The following FRMD3 variants were observed in gnomAD, a reference collection of about 807,000 sequenced individuals.
FRMD3 encodes the protein FERM domain-containing protein 3.
In FRMD3, 33 loss-of-function variants were observed where a neutral mutation model predicts 70.2. That is an observed-to-expected ratio of 0.47 (90% CI 0.36 to 0.63). The LOEUF (loss-of-function observed/expected upper bound fraction) is 0.63. Ranked by LOEUF, FRMD3 falls within the 20% of genes least tolerant of loss-of-function variation. The pLI is 0.00. For missense variants in FRMD3, 632 were observed against 711.4 expected, an observed-to-expected ratio of 0.89 and a Z score of 1.27; for synonymous variants, 279 against 255.9, an observed-to-expected ratio of 1.09 and a Z score of -0.86.
upstream of FRMD3, among the ~76,000 whole-genome samples, chr9:83,539,211 C>T (rs1419063664): frequency 6.6e-6 from 1 of 152,186 alleles, no homozygotes; most frequent in African/African-American, 2.4e-5. Flanking sequence ...TGCCCCATCC[C>T]GTTTTAGTCC....
chr9:83,432,577 C>T (rs368853104), intron 1 of FRMD3, among the ~76,000 whole-genome samples: 31 of 152,260 alleles, frequency 2.0e-4, no homozygotes, highest in East Asian at 3.9e-4. Flanking sequence ...TCAGGCCCTC[C>T]GGGACTTTTA....
Position 83,538,351 on chromosome 9 carries a change from C to T in FRMD3, c.-120G>A. The T allele has an allele frequency of 1.1e-6, 1 of 935,056 alleles. No homozygotes were observed. The highest frequency in any genetic ancestry group is 4.3e-5 in the Admixed American group (1 of 23,194). 57.9% of individuals were successfully genotyped at this position (935,056 alleles called of 1,614,324 possible). A position where few individuals can be genotyped will look rare whatever the true frequency, so the allele number is the denominator to read the frequency against. On this transcript the variant is annotated 5_prime_UTR_variant, in exon 1 of 14. Coordinates refer to ENST00000304195, the MANE Select transcript of FRMD3 (RefSeq NM_174938.6). This position sits in a 1 kb window ranked among gnomAD's most constrained non-coding sequence, Gnocchi z 4.7. ...TGGGCGCGGCTCAGCCCCGGGACAT[C>T]GGCAGCGTCGGGCGCCTGCGGACAC...
intron 3 of FRMD3, among the ~76,000 whole-genome samples, chr9:83,360,673 G>A (rs924502984): frequency 6.6e-6 from 1 of 152,084 alleles, no homozygotes. Context: ...CGCTTCCCAC[G>A]AGGAGTGCTA....
the FRMD3 span, among the ~76,000 whole-genome samples, chr9:83,580,547 T>C: frequency 6.6e-6 from 1 of 152,086 alleles, no homozygotes; most frequent in South Asian, 2.1e-4. Context: ...CACTTATATA[T>C]GGAATCTTTA....
intron 1 of FRMD3, among the ~76,000 whole-genome samples, chr9:83,449,962 T>C (rs1231203246): frequency 6.6e-6 from 1 of 152,222 alleles, no homozygotes. Context: ...GTGCATTTCA[T>C]GCCTCAATAA....
intron 12 of FRMD3, among the ~76,000 whole-genome samples, chr9:83,295,048 C>T (rs370060765): frequency 4.6e-5 from 7 of 152,162 alleles, no homozygotes; most frequent in Non-Finnish European, 8.8e-5. Context: ...ATATCTGGCC[C>T]GCTTTGCAGC....
intron 1 of FRMD3, among the ~76,000 whole-genome samples, chr9:83,415,736 A>G (rs1312151587): frequency 6.7e-6 from 1 of 149,726 alleles, no homozygotes; most frequent in Non-Finnish European, 1.5e-5. Flanking sequence ...CTGGGATTAC[A>G]GGCGTGAGCC....
At position 83,272,248 on chromosome 9, in the gene FRMD3, C is replaced by T. The variant is rs549730811; in HGVS notation, c.1195+18355G>A. Among the ~76,000 whole-genome samples the T allele has an allele frequency of 4.1e-3, 618 of 151,938 alleles. 3 individuals are homozygous for T. The highest frequency in any genetic ancestry group is 0.014 in the African/African-American group (590 of 41,464). On this transcript the variant is annotated intron_variant, in intron 13 of 13. Transcript: ENST00000304195. ...CCTGCCCAGTGCCTGGGATTGCAGG[C>T]GGGCGCCGCCACGCCTGACTGGTTT...
At chr9:83,490,763 TTCTCTC>T (rs67058664) in intron 1 of FRMD3, among the ~76,000 whole-genome samples, 6,328 of 129,124 alleles carry the variant, frequency 0.049, 199 homozygotes, top group East Asian at 0.16. Flanking sequence ...TTTTACTCTC[TTCTCTC>T]TCTCTCTCTC....
intron 13 of FRMD3, among the ~76,000 whole-genome samples, chr9:83,256,972 A>G (rs1779564564): frequency 6.6e-6 from 1 of 152,214 alleles, no homozygotes; most frequent in African/African-American, 2.4e-5. Context: ...GCGATTCCTT[A>G]AAGACCTGGA....
chr9:83,259,746 C>G (rs1027604404), intron 13 of FRMD3, among the ~76,000 whole-genome samples: 4 of 152,110 alleles, frequency 2.6e-5, no homozygotes, highest in Admixed American at 6.5e-5. Context: ...TGTCAGGTCT[C>G]TATAGATGTC....
intron 1 of FRMD3, among the ~76,000 whole-genome samples, chr9:83,503,308 A>G (rs775745985): frequency 1.3e-5 from 2 of 152,220 alleles, no homozygotes; most frequent in African/African-American, 4.8e-5. Flanking sequence ...ACGACAGAAG[A>G]GAATTCAGAG....
At position 83,488,352 on chromosome 9, in the gene FRMD3, T is replaced by C. The variant is rs77098617; in HGVS notation, c.147+49733A>G. ...CCTTTATAACATTGCACTCTGCATT[T>C]TGTCCTGAGATAACATGTGAATCTC... On this transcript the variant is annotated intron_variant, in intron 1 of 13. Transcript: ENST00000304195. Among the ~76,000 whole-genome samples, 1,010 of 152,364 alleles carry C rather than the reference T, an allele frequency of 6.6e-3. 11 individuals carry two copies. Among genetic ancestry groups the C allele is most frequent in the African/African-American group, 0.023 (953 of 41,590 alleles).
chr9:83,384,825 A>G (rs1825466037), intron 2 of FRMD3, among the ~76,000 whole-genome samples: 1 of 152,202 alleles, frequency 6.6e-6, no homozygotes, highest in Non-Finnish European at 1.5e-5. Context: ...CACTGATGGA[A>G]ATGGGTTAAA....
intron 1 of FRMD3, among the ~76,000 whole-genome samples, chr9:83,478,886 C>T (rs116018309): frequency 6.6e-6 from 1 of 152,056 alleles, no homozygotes; most frequent in Non-Finnish European, 1.5e-5. Context: ...AGAGCTTCTG[C>T]ATATTATGTT....
chr9:83,538,027 AG>A lies in FRMD3; in HGVS notation c.147+57del. On this transcript the variant is annotated intron_variant, in intron 1 of 13. Coordinates refer to ENST00000304195, the MANE Select transcript of FRMD3 (RefSeq NM_174938.6). This position sits in a 1 kb window ranked among gnomAD's most constrained non-coding sequence, Gnocchi z 4.7. ...CCTTGTTCTCGCATGCCCACCGCAA[AG>A]GCCCCCCGCCCTGCTCCCGGCGTGT... The A allele has an allele frequency of 6.3e-7, 1 of 1,580,034 alleles. No homozygotes were observed. The highest frequency in any genetic ancestry group is 1.1e-5 in the South Asian group (1 of 88,244).
chr9:83,310,432 A>G, intron 9 of FRMD3, 53 bp downstream of exon 9: 6 of 1,354,626 alleles, frequency 4.4e-6, no homozygotes, highest in Non-Finnish European at 6.3e-6. Context: ...TTACTCCTGA[A>G]TCTCTCTCAT....
intron 2 of FRMD3, among the ~76,000 whole-genome samples, 190 bp from the exon 3 acceptor site, chr9:83,373,145 A>C (rs1046773177): frequency 2.0e-5 from 3 of 152,210 alleles, no homozygotes; most frequent in Non-Finnish European, 4.4e-5. Flanking sequence ...TATAAATTAC[A>C]GAGTTAACAT....
chr9:83,518,370 G>C (rs180903887), intron 1 of FRMD3, among the ~76,000 whole-genome samples: 1 of 152,228 alleles, frequency 6.6e-6, no homozygotes, highest in African/African-American at 2.4e-5. Context: ...GCCAAATCAT[G>C]AGCAAACTCC....
Sources: gnomAD v4.1 joint callset for allele counts (sites outside exome capture counted in the v4.1 genomes callset) on GRCh38, gnomAD v4.1.1 for gene constraint, Gnocchi (gnomAD v3.1) non-coding constraint, MANE v1.5 for transcripts, NCBI Gene and HGNC (gene_info 2026-07-23, HGNC 2026-07-21) for gene names.